SCGN: variants seen among roughly 807,000 people sequenced by gnomAD.
SCGN encodes the protein secretagogin.
SCGN carries 30 observed loss-of-function variants against 39.7 expected under a neutral mutation model. That is an observed-to-expected ratio of 0.76 (90% CI 0.57 to 1.03). SCGN has a LOEUF of 1.03. Ranked by LOEUF, SCGN falls within the 50% of genes least tolerant of loss-of-function variation. The probability of loss-of-function intolerance (pLI) is 0.00; values close to 1 mark genes in which losing one functional copy is unlikely to be tolerated. For missense variants in SCGN, 353 were observed against 349.4 expected (o/e 1.01, Z -0.08); for synonymous variants, 106 against 114.1 (o/e 0.93, Z 0.45).
chr6:25,671,682 C>T (rs1253189247), intron 6 of SCGN, among the ~76,000 whole-genome samples: 1 of 152,150 alleles, frequency 6.6e-6, no homozygotes, highest in Non-Finnish European at 1.5e-5. Flanking sequence ...AAGCAGTTTC[C>T]CAGCTACAGG....
At chr6:25,662,690 T>G (rs1760357779) in intron 3 of SCGN, among the ~76,000 whole-genome samples, 1 of 152,198 alleles carries the variant, frequency 6.6e-6, no homozygotes, top group Non-Finnish European at 1.5e-5. Context: ...TTCAGAAAAC[T>G]AATAAACTAA....
At chr6:25,677,450 A>T (rs1759578655) in intron 6 of SCGN, among the ~76,000 whole-genome samples, 1 of 152,166 alleles carries the variant, frequency 6.6e-6, no homozygotes, top group Non-Finnish European at 1.5e-5. Flanking sequence ...AATTGATAAT[A>T]TGGGAGGGGG....
At chr6:25,686,257 C>T (rs147526079) in intron 7 of SCGN, among the ~76,000 whole-genome samples, 2 of 152,118 alleles carry the variant, frequency 1.3e-5, no homozygotes, top group Non-Finnish European at 2.9e-5. Context: ...TGGTTCGTGT[C>T]GTAATTTTAC....
chr6:25,661,543 C>A lies in SCGN; in HGVS notation c.154-9C>A, dbSNP rs1760337406. The A allele has an allele frequency of 6.2e-7, 1 of 1,606,620 alleles. No homozygotes were observed. The highest frequency in any genetic ancestry group is 8.5e-7 in the Non-Finnish European group (1 of 1,173,802). On this transcript the variant is annotated splice_polypyrimidine_tract_variant and intron_variant, in intron 2 of 10. Transcript: ENST00000377961. ...TGGCTTTAATGTGGCTCTGTTTGGTCAATTGCAGGACACGGTCATGAAAGC... is the reference window on the plus strand; with the variant it reads ...TGGCTTTAATGTGGCTCTGTTTGGTAAATTGCAGGACACGGTCATGAAAGC...
chr6:25,695,620 C>T (rs1759828110), intron 10 of SCGN, among the ~76,000 whole-genome samples: 1 of 152,302 alleles, frequency 6.6e-6, no homozygotes, highest in African/African-American at 2.4e-5. Flanking sequence ...ACCTCCGCCT[C>T]CTGGGTTCAT....
At chr6:25,674,524 C>T (rs1009497534) in intron 6 of SCGN, among the ~76,000 whole-genome samples, 1 of 152,182 alleles carries the variant, frequency 6.6e-6, no homozygotes, top group Non-Finnish European at 1.5e-5. Context: ...CACGTTATTG[C>T]TGCTTTAATG....
At chr6:25,654,685 CTTCT>C (rs1760195767) in intron 2 of SCGN, among the ~76,000 whole-genome samples, 1 of 152,002 alleles carries the variant, frequency 6.6e-6, no homozygotes, top group African/African-American at 2.4e-5. Context: ...TTTCTCCTTT[CTTCT>C]TTCTTTCCCA....
intron 7 of SCGN, among the ~76,000 whole-genome samples, chr6:25,685,450 C>T (rs1001939600): frequency 6.6e-6 from 1 of 152,158 alleles, no homozygotes; most frequent in African/African-American, 2.4e-5. Context: ...ATACTAAGAA[C>T]AATATTCCTG....
chr6:25,690,159 A>G (rs948634571), intron 9 of SCGN, among the ~76,000 whole-genome samples: 4 of 152,236 alleles, frequency 2.6e-5, no homozygotes, highest in African/African-American at 9.6e-5. Flanking sequence ...AGTCTAGCAT[A>G]GAGGTGGTTA....
intron 2 of SCGN, among the ~76,000 whole-genome samples, chr6:25,656,785 C>T (rs879373634): frequency 6.6e-6 from 1 of 152,138 alleles, no homozygotes; most frequent in African/African-American, 2.4e-5. Flanking sequence ...GATTCTGTGT[C>T]CTCAAACTAA....
intron 3 of SCGN, 31 bp from the exon 4 acceptor site, chr6:25,664,912 T>C: frequency 6.4e-7 from 1 of 1,558,706 alleles, no homozygotes; most frequent in Non-Finnish European, 8.8e-7. Context: ...CTGGCCAGTG[T>C]CCCTGACTGT....
chr6:25,659,803 T>C (rs191318207), intron 2 of SCGN, among the ~76,000 whole-genome samples: 5 of 152,308 alleles, frequency 3.3e-5, no homozygotes, highest in African/African-American at 1.2e-4. Context: ...TAAAGTGTTT[T>C]AGGACGTTTT....
At chr6:25,698,134 C>T (rs917880314) in intron 10 of SCGN, among the ~76,000 whole-genome samples, 5 of 152,194 alleles carry the variant, frequency 3.3e-5, no homozygotes, top group African/African-American at 1.2e-4. Flanking sequence ...TTCAGTGACA[C>T]GTGCATTTTT....
intron 7 of SCGN, among the ~76,000 whole-genome samples, chr6:25,684,967 C>T (rs1177459316): frequency 6.6e-6 from 1 of 151,990 alleles, no homozygotes; most frequent in Non-Finnish European, 1.5e-5. Flanking sequence ...CCACATTGGG[C>T]CCAATATAAT....
intron 9 of SCGN, 56 bp downstream of exon 9, chr6:25,689,588 C>G (rs1488068929): frequency 6.9e-7 from 1 of 1,439,738 alleles, no homozygotes; most frequent in Admixed American, 1.7e-5. Context: ...ACTTATTTAA[C>G]CCCTATGTGG....
chr6:25,688,985 A>T (rs887571192), intron 7 of SCGN, among the ~76,000 whole-genome samples, 187 bp from the exon 8 acceptor site: 14 of 152,072 alleles, frequency 9.2e-5, no homozygotes, highest in Admixed American at 9.2e-4. Context: ...GTCTATGGTG[A>T]CTACTAATCT....
intron 3 of SCGN, 76 bp downstream of exon 3, chr6:25,661,720 G>A (rs1760341500): frequency 6.2e-6 from 6 of 967,232 alleles, no homozygotes; most frequent in South Asian, 1.5e-5. Flanking sequence ...GTCTTGGGCT[G>A]TAATATTCTT....
Position 25,654,833 on chromosome 6 carries a change from G to T in SCGN, c.153+1381G>T, listed in dbSNP as rs73733301. On this transcript the variant is annotated intron_variant, in intron 2 of 10. Transcript: ENST00000377961. ...CTCCACCCCTTACCCTGTGCAGCCT[G>T]TGAAGTGAAAGGATCAGCAGACGAG... 8.6e-3 allele frequency among the ~76,000 whole-genome samples: 1,302 copies of T among 152,258 alleles called. 19 individuals are homozygous for T. Among genetic ancestry groups the T allele is most frequent in the African/African-American group, 0.028 (1,177 of 41,542 alleles).
At chr6:25,680,674 T>C (rs1380872606) in intron 6 of SCGN, among the ~76,000 whole-genome samples, 1 of 152,214 alleles carries the variant, frequency 6.6e-6, no homozygotes, top group Non-Finnish European at 1.5e-5. Flanking sequence ...AAATAACTCA[T>C]GGCTCATCTT....
Sources: gnomAD v4.1 joint callset for allele counts (sites outside exome capture counted in the v4.1 genomes callset) on GRCh38, gnomAD v4.1.1 for gene constraint, MANE v1.5 for transcripts, NCBI Gene and HGNC (gene_info 2026-07-23, HGNC 2026-07-21) for gene names.